MEGF9: variants seen among roughly 807,000 people sequenced by gnomAD.
MEGF9 encodes multiple epidermal growth factor-like domains protein 9.
MEGF9 carries 6 observed loss-of-function variants against 46.8 expected under a neutral mutation model. That is an observed-to-expected ratio of 0.13 (90% CI 0.07 to 0.25). MEGF9 has a LOEUF of 0.25. MEGF9 is among the 10% of genes least tolerant of loss of function. The pLI, the probability that MEGF9 is intolerant of heterozygous loss-of-function variation, is 1.00. For synonymous variants in MEGF9, 302 were observed against 330.7 expected, an observed-to-expected ratio of 0.91 and a Z score of 0.94; for missense variants, 683 against 792.4, an observed-to-expected ratio of 0.86 and a Z score of 1.66.
chr9:120,632,434 T>C (rs544437610), intron 2 of MEGF9, among the ~76,000 whole-genome samples: 5 of 152,276 alleles, frequency 3.3e-5, no homozygotes, highest in Admixed American at 6.5e-5. Flanking sequence ...CACTGATTTT[T>C]TATGTTGATT....
At chr9:120,620,437 T>C (rs1343006194) in intron 3 of MEGF9, among the ~76,000 whole-genome samples, 1 of 151,514 alleles carries the variant, frequency 6.6e-6, no homozygotes, top group African/African-American at 2.4e-5. Flanking sequence ...TATACAATGG[T>C]GAAAAAAAAA....
chr9:120,692,926 G>A (rs925042460), intron 1 of MEGF9, among the ~76,000 whole-genome samples: 3 of 152,014 alleles, frequency 2.0e-5, no homozygotes, highest in African/African-American at 7.2e-5. Flanking sequence ...CTTTGCTTCT[G>A]TAGTACATAC....
intron 4 of MEGF9, among the ~76,000 whole-genome samples, chr9:120,609,806 A>G (rs946559473): frequency 6.6e-6 from 1 of 152,210 alleles, no homozygotes; most frequent in Non-Finnish European, 1.5e-5. Context: ...TAATGTTATT[A>G]TAGCAGGAAT....
rs562417134 is a variant in MEGF9 at position 120,628,476 on chromosome 9, T to TTG, written c.804-5722_804-5721insCA. ...CAGAAATTCTTGTCGTTGTTTTTTTTTTTTTTTTTTTTTTTTTTTCAGAGA... is the reference window on the plus strand; with the variant it reads ...CAGAAATTCTTGTCGTTGTTTTTTTTTGTTTTTTTTTTTTTTTTTTTCAGAGA... On this transcript the variant is annotated intron_variant, in intron 2 of 5. Coordinates refer to ENST00000373930, the MANE Select transcript of MEGF9 (RefSeq NM_001080497.3). Among the ~76,000 whole-genome samples, 951 of 139,718 alleles carry TTG rather than the reference T, an allele frequency of 6.8e-3. 12 individuals carry two copies. Among genetic ancestry groups the TTG allele is most frequent in the Middle Eastern group, 0.014 (4 of 282 alleles). The allele number at this position is 139,718 out of a possible 152,430, so 91.7% of individuals were successfully genotyped here.
chr9:120,650,833 T>A (rs753183723), intron 2 of MEGF9, among the ~76,000 whole-genome samples: 6 of 151,992 alleles, frequency 3.9e-5, no homozygotes, highest in Non-Finnish European at 5.9e-5. Context: ...TTTTTTTTTC[T>A]CCTGATAGGT....
intron 1 of MEGF9, among the ~76,000 whole-genome samples, chr9:120,697,193 C>T (rs2043881496): frequency 6.6e-6 from 1 of 152,206 alleles, no homozygotes; most frequent in Admixed American, 6.5e-5. Context: ...AGCAATCCTC[C>T]CACCTCAGCT....
At chr9:120,624,208 G>A (rs2043513561) in intron 2 of MEGF9, among the ~76,000 whole-genome samples, 1 of 152,104 alleles carries the variant, frequency 6.6e-6, no homozygotes, top group Admixed American at 6.5e-5. Flanking sequence ...TACATACCAT[G>A]CTTTATTTTT....
In MEGF9 at chr9:120,607,960, C is replaced by T. The variant is rs1191689578; in HGVS notation, c.1138G>A (p.Gly380Ser). 8 of 1,613,870 alleles carry T rather than the reference C, an allele frequency of 5.0e-6. No homozygotes were observed. Among genetic ancestry groups the T allele is most frequent in the African/African-American group, 1.3e-5 (1 of 74,930 alleles). ...ECDQCKDGYI[G>S]PNCNKCENGY... The stretch of plus-strand genomic sequence containing the variant: ...TTTTCACATTTATTGCAGTTCGGGC[C>T]TATGTAACCATCTTTACACTGGTCA... Residue 380 changes from glycine (G) to serine (S), a missense_variant, in exon 5 of 6, where the codon GGC (glycine) becomes AGC (serine). Transcript: ENST00000373930.
chr9:120,714,445 C>G lies in MEGF9; in HGVS notation c.-87G>C. 8.8e-7 allele frequency: 1 copy of G among 1,132,076 alleles called. No homozygotes were observed. The highest frequency in any genetic ancestry group is 1.1e-6 in the Non-Finnish European group (1 of 899,458). 70.1% of individuals were successfully genotyped at this position (1,132,076 alleles called of 1,614,324 possible). A position where few individuals can be genotyped will look rare whatever the true frequency, so the allele number is the denominator to read the frequency against. On this transcript the variant is annotated 5_prime_UTR_variant, in exon 1 of 6. Coordinates refer to ENST00000373930, the MANE Select transcript of MEGF9 (RefSeq NM_001080497.3). ...CCGCAACCGCCGCCGCCACCGCCAC[C>G]GGGCGCACCATCGCCACCTCCCTCT...
chr9:120,691,157 C>T (rs908350753), intron 1 of MEGF9, among the ~76,000 whole-genome samples: 4 of 151,818 alleles, frequency 2.6e-5, no homozygotes, highest in South Asian at 2.1e-4. Flanking sequence ...TTTAACAATG[C>T]CAGAAATAAC....
chr9:120,605,525 T>C lies in MEGF9; in HGVS notation c.1474A>G (p.Ile492Val), dbSNP rs529484273. 8.7e-6 allele frequency: 14 copies of C among 1,613,816 alleles called. No homozygotes were observed. The highest frequency in any genetic ancestry group is 4.5e-5 in the East Asian group (2 of 44,894). ...STFTPTTLQT[I>V]FSVSTSENST... ...TTTTCAGAAGTGCTTACTGAAAAGA[T>C]AGTCTGCAGGGTTGTAGGGGTAAAA... is the stretch of plus-strand genomic sequence containing the variant. The change falls in exon 6 of 6, where the codon ATC becomes GTC. Residue 492 changes from isoleucine (I) to valine (V), a missense_variant. Around this residue, in one of 2 missense-constraint regions of MEGF9, gnomAD observed 313 missense variants for 421.1 expected, o/e 0.74. Transcript: ENST00000373930. The surrounding 1 kb of genome is among the most constrained non-coding windows in gnomAD (Gnocchi z 4.0).
intron 2 of MEGF9, among the ~76,000 whole-genome samples, chr9:120,633,261 T>G (rs986262604): frequency 1.3e-5 from 2 of 152,216 alleles, no homozygotes. Context: ...TGATTCAATC[T>G]CATTACCTGT....
At chr9:120,625,365 G>C (rs1399328273) in intron 2 of MEGF9, among the ~76,000 whole-genome samples, 2 of 152,116 alleles carry the variant, frequency 1.3e-5, no homozygotes, top group African/African-American at 4.8e-5. Context: ...GGGTTTTTAA[G>C]GACAACTTGG....
chr9:120,629,133 CT>C (rs1466318144), intron 2 of MEGF9, among the ~76,000 whole-genome samples: 1 of 152,122 alleles, frequency 6.6e-6, no homozygotes, highest in Admixed American at 6.5e-5. Context: ...GCCACCATGC[CT>C]GGATAACTTT....
chr9:120,650,438 A>C (rs1431148184), intron 2 of MEGF9, among the ~76,000 whole-genome samples: 1 of 152,254 alleles, frequency 6.6e-6, no homozygotes, highest in Non-Finnish European at 1.5e-5. Context: ...GATACTGTAC[A>C]CCAACTCCTT....
intron 1 of MEGF9, among the ~76,000 whole-genome samples, chr9:120,679,295 T>C (rs1446166101): frequency 2.6e-5 from 4 of 152,068 alleles, no homozygotes; most frequent in Non-Finnish European, 5.9e-5. Flanking sequence ...TATGCAGCCA[T>C]AAAAAATGAT....
At chr9:120,640,269 T>C (rs886115478) in intron 2 of MEGF9, among the ~76,000 whole-genome samples, 5 of 152,182 alleles carry the variant, frequency 3.3e-5, no homozygotes, top group African/African-American at 1.2e-4. Flanking sequence ...GGACTCTACT[T>C]GCTGTTCTCT....
intron 1 of MEGF9, among the ~76,000 whole-genome samples, chr9:120,691,926 C>T (rs1013134040): frequency 2.0e-5 from 3 of 152,080 alleles, no homozygotes; most frequent in South Asian, 2.1e-4. Context: ...TAATATGGTA[C>T]GGAATAAATT....
chr9:120,693,864 C>T (rs1045294841), intron 1 of MEGF9, among the ~76,000 whole-genome samples: 2 of 151,738 alleles, frequency 1.3e-5, no homozygotes, highest in Non-Finnish European at 2.9e-5. Flanking sequence ...TCATCTGACT[C>T]ATAACAGACA....
Sources: gnomAD v4.1 joint callset for allele counts (sites outside exome capture counted in the v4.1 genomes callset) on GRCh38, gnomAD v4.1.1 for gene constraint, gnomAD v4.1.1 regional missense constraint, Gnocchi (gnomAD v3.1) non-coding constraint, MANE v1.5 for transcripts, NCBI Gene and HGNC (gene_info 2026-07-23, HGNC 2026-07-21) for gene names.